USH2A: variants seen among roughly 807,000 people sequenced by gnomAD.
USH2A encodes usherin, also known as Usher syndrome 2A (autosomal recessive, mild).
USH2A carries 443 observed loss-of-function variants against 538.9 expected under a neutral mutation model. The observed-to-expected ratio is 0.82, with a 90% CI of 0.76 to 0.89. The LOEUF (loss-of-function observed/expected upper bound fraction) is 0.89. USH2A is among the 40% of genes least tolerant of loss of function. The pLI, the probability that USH2A is intolerant of heterozygous loss-of-function variation, is 0.00. For missense variants in USH2A, 6,633 were observed against 6,324.8 expected, an observed-to-expected ratio of 1.05 and a Z score of -1.65; for synonymous variants, 2,413 against 2,273.5, an observed-to-expected ratio of 1.06 and a Z score of -1.75.
chr1:216,095,292 A>G (rs1213934604), intron 22 of USH2A, among the ~76,000 whole-genome samples: 1 of 152,004 alleles, frequency 6.6e-6, no homozygotes. Flanking sequence ...GTATTTTGAG[A>G]GATTTCTTCA....
At chr1:216,156,295 C>CTTTTTTTTTTTTTTTTTTTTTTTTTTTTT (rs35698520) in intron 21 of USH2A, among the ~76,000 whole-genome samples, 2 of 105,522 alleles carry the variant, frequency 1.9e-5, no homozygotes, top group Non-Finnish European at 3.7e-5. Context: ...TTTTTTTTTT[C>CTTTTTTTTTTTTTTTTTTTTTTTTTTTTT]TTTTTTTTTT....
At chr1:216,336,858 T>C (rs2037984312) in intron 4 of USH2A, among the ~76,000 whole-genome samples, 1 of 151,548 alleles carries the variant, frequency 6.6e-6, no homozygotes, top group African/African-American at 2.4e-5. Context: ...GGCAAAAATT[T>C]CTTTGACAAA....
chr1:215,812,405 G>C (rs1211008885), intron 49 of USH2A, among the ~76,000 whole-genome samples: 1 of 152,074 alleles, frequency 6.6e-6, no homozygotes, highest in Non-Finnish European at 1.5e-5. Flanking sequence ...TGGTAAATTG[G>C]CTCTATCTGT....
intron 14 of USH2A, among the ~76,000 whole-genome samples, chr1:216,231,284 CAGAGAGACAG>C (rs2035684010): frequency 2.1e-5 from 1 of 48,252 alleles, no homozygotes; most frequent in African/African-American, 8.0e-5. Flanking sequence ...TATATATACA[CAGAGAGACAG>C]AGAGAGAGAG....
chr1:216,172,152 T>C (rs1384393482), intron 21 of USH2A, among the ~76,000 whole-genome samples: 1 of 152,066 alleles, frequency 6.6e-6, no homozygotes, highest in Admixed American at 6.6e-5. Flanking sequence ...AAGATAAAAA[T>C]ATTTAAAGCA....
chr1:215,689,847 C>T (rs1658546123), intron 61 of USH2A, among the ~76,000 whole-genome samples: 1 of 152,136 alleles, frequency 6.6e-6, no homozygotes, highest in South Asian at 2.1e-4. Context: ...CAACAGACAC[C>T]CTAATTGTAG....
At chr1:216,354,876 G>A (rs1219965597) in intron 4 of USH2A, among the ~76,000 whole-genome samples, 2 of 151,976 alleles carry the variant, frequency 1.3e-5, no homozygotes, top group Non-Finnish European at 2.9e-5. Flanking sequence ...ACTTCCAAAT[G>A]TAATGAAAAC....
At chr1:216,397,560 G>C (rs1012048089) in intron 3 of USH2A, among the ~76,000 whole-genome samples, 25 of 152,230 alleles carry the variant, frequency 1.6e-4, no homozygotes, top group African/African-American at 6.0e-4. Flanking sequence ...TCAGCTTGCA[G>C]GCTTTTCTTG....
At chr1:215,648,861 C>A (rs1656951423) in intron 65 of USH2A, 95 bp from the exon 66 acceptor site, 1 of 1,182,356 alleles carries the variant, frequency 8.5e-7, no homozygotes, top group Non-Finnish European at 1.3e-6. Flanking sequence ...AAATGGAGTA[C>A]CATGCCAGGC....
At chr1:215,846,778 C>A (rs1215314907) in intron 44 of USH2A, among the ~76,000 whole-genome samples, 1 of 152,140 alleles carries the variant, frequency 6.6e-6, no homozygotes, top group Non-Finnish European at 1.5e-5. Flanking sequence ...TAGGCTAATA[C>A]AAATAAGAGC....
chr1:215,993,966 C>A (rs183795591), intron 34 of USH2A, among the ~76,000 whole-genome samples: 1 of 152,212 alleles, frequency 6.6e-6, no homozygotes, highest in African/African-American at 2.4e-5. Flanking sequence ...ACTGGACAAG[C>A]ACTTCTCCAG....
chr1:215,854,548 A>G (rs774460416), intron 44 of USH2A, among the ~76,000 whole-genome samples: 1 of 152,170 alleles, frequency 6.6e-6, no homozygotes, highest in Non-Finnish European at 1.5e-5. Context: ...GGCACACAGT[A>G]AGTTTCAGAG....
intron 35 of USH2A, among the ~76,000 whole-genome samples, chr1:215,991,274 C>T (rs555148917): frequency 6.6e-6 from 1 of 152,244 alleles, no homozygotes; most frequent in African/African-American, 2.4e-5. Flanking sequence ...GGTTGAGTCA[C>T]AAGTTGGTAG....
intron 11 of USH2A, among the ~76,000 whole-genome samples, chr1:216,278,547 G>A (rs1416601099): frequency 6.6e-6 from 1 of 152,126 alleles, no homozygotes; most frequent in African/African-American, 2.4e-5. Context: ...CTCTGAAGGA[G>A]AGACCACGTG....
chr1:215,936,024 C>G (rs1410281753), intron 37 of USH2A, among the ~76,000 whole-genome samples: 1 of 151,720 alleles, frequency 6.6e-6, no homozygotes, highest in African/African-American at 2.4e-5. Context: ...CAGCTTGGGT[C>G]ACAGAGTGAG....
intron 13 of USH2A, among the ~76,000 whole-genome samples, chr1:216,238,521 T>A (rs2035873233): frequency 6.6e-6 from 1 of 152,222 alleles, no homozygotes; most frequent in Non-Finnish European, 1.5e-5. Flanking sequence ...AAAGCATTTT[T>A]AAAATACTTA....
chr1:216,207,539 A>T lies in USH2A; in HGVS notation c.3158-108T>A, dbSNP rs1304202204. The T allele has an allele frequency of 2.2e-6, 3 of 1,360,526 alleles. No homozygotes were observed. The Admixed American group carries it at 5.2e-5, about 24-fold the overall frequency. The allele number at this position is 1,360,526 out of a possible 1,614,324, so 84.3% of individuals were successfully genotyped here. A position where few individuals can be genotyped will look rare whatever the true frequency, so the allele number is the denominator to read the frequency against. On this transcript the variant is annotated intron_variant, in intron 15 of 71. Coordinates refer to ENST00000307340, the MANE Select transcript of USH2A (RefSeq NM_206933.4). ...GGTCTTTCTGATTCAGGATTGCTTT[A>T]TCAAGAAGACATGTGGTTTACCAAG...
intron 36 of USH2A, among the ~76,000 whole-genome samples, chr1:215,968,070 A>G (rs1667399316): frequency 6.6e-6 from 1 of 152,214 alleles, no homozygotes; most frequent in African/African-American, 2.4e-5. Flanking sequence ...ATATTACAAA[A>G]TGTGAAGGGT....
At chr1:215,680,507 T>C (rs1658192440) in intron 61 of USH2A, 131 bp from the exon 62 acceptor site, 20 of 819,174 alleles carry the variant, frequency 2.4e-5, no homozygotes, top group Non-Finnish European at 4.1e-5. Flanking sequence ...CAGCAGAGTT[T>C]TGAATTATCA....
Sources: gnomAD v4.1 joint callset for allele counts (sites outside exome capture counted in the v4.1 genomes callset) on GRCh38, gnomAD v4.1.1 for gene constraint, MANE v1.5 for transcripts, NCBI Gene and HGNC (gene_info 2026-07-23, HGNC 2026-07-21) for gene names.